Variants in KDM2B observed in about 807,000 individuals in gnomAD.
The protein encoded by KDM2B is lysine-specific demethylase 2B.
A neutral mutation model predicts 150.0 loss-of-function variants in KDM2B; 26 were observed. That is an observed-to-expected ratio of 0.17 (90% CI 0.13 to 0.24). The LOEUF is 0.24. Ranked by LOEUF, KDM2B falls within the 10% of genes least tolerant of loss-of-function variation. KDM2B has a pLI of 1.00. For missense variants in KDM2B, 1,265 were observed against 1,816.9 expected, an observed-to-expected ratio of 0.70 and a Z score of 5.52; for synonymous variants, 734 against 729.5, an observed-to-expected ratio of 1.01 and a Z score of -0.10.
In KDM2B at chr12:121,442,774, G is replaced by A; in HGVS notation, c.2667C>T (p.Phe889=). 3 of 1,544,608 alleles carry A rather than the reference G, an allele frequency of 1.9e-6. No homozygotes were observed. Among genetic ancestry groups the A allele is most frequent in the South Asian group, 2.5e-5 (2 of 78,592 alleles). The change falls in exon 19 of 23, where the codon TTC becomes TTT. Residue 889 remains phenylalanine (F), a synonymous_variant. Transcript: ENST00000377071. The surrounding 1 kb of genome is among the most constrained non-coding windows in gnomAD (Gnocchi z 7.7). ...MALANKPLRR[F]KQEPEDELPE... The stretch of plus-strand genomic sequence containing the variant: ...GCAGTTCGTCCTCGGGTTCCTGCTT[G>A]AAGCGCCGGAGGGGCTTGTTGGCCA...
the KDM2B span, among the ~76,000 whole-genome samples, chr12:121,413,288 A>G: frequency 1.0e-3 from 154 of 152,314 alleles, no homozygotes; most frequent in South Asian, 0.024. Context: ...TGGCCTCCCA[A>G]AGTGCTGGGA....
At chr12:121,486,057 G>A (rs979530456) in intron 12 of KDM2B, among the ~76,000 whole-genome samples, 66 of 151,530 alleles carry the variant, frequency 4.4e-4, no homozygotes, top group Non-Finnish European at 3.4e-4. Context: ...AATTACAGGC[G>A]TGAGCCACCA....
chr12:121,501,864 G>A (rs992453197), intron 11 of KDM2B, among the ~76,000 whole-genome samples: 4 of 151,964 alleles, frequency 2.6e-5, no homozygotes, highest in Admixed American at 6.6e-5. Flanking sequence ...CTCATGATCC[G>A]CCCGCCTCGG....
At chr12:121,486,717 C>T (rs782212868) in intron 12 of KDM2B, among the ~76,000 whole-genome samples, 11 of 150,890 alleles carry the variant, frequency 7.3e-5, no homozygotes, top group East Asian at 2.0e-4. Flanking sequence ...GCCCAGGAGG[C>T]GGAGGTTGGT....
intron 6 of KDM2B, among the ~76,000 whole-genome samples, chr12:121,538,971 G>A (rs1174529616): frequency 2.0e-5 from 3 of 151,766 alleles, no homozygotes; most frequent in Admixed American, 1.3e-4. Flanking sequence ...CAGAGTCCCC[G>A]CCCTCCTCCC....
upstream of KDM2B, chr12:121,581,393 C>T (rs559129620): frequency 6.5e-6 from 1 of 154,198 alleles, no homozygotes; most frequent in Non-Finnish European, 1.4e-5. Context: ...GTATCGGCAC[C>T]CTCCGTACAT....
rs1341867917 is a variant in KDM2B, at chr12:121,495,317, C to T, written c.1648-652G>A. Among the ~76,000 whole-genome samples, 7 of 152,234 alleles carry T rather than the reference C, an allele frequency of 4.6e-5. No individual in the cohort carries two copies. In the East Asian group the frequency reaches 7.7e-4, roughly 17 times the overall value. On this transcript the variant is annotated intron_variant, in intron 11 of 22. Transcript: ENST00000377071. ...CTGTGAATGCAGGTGTGCACCACCA[C>T]GCTGGGCTAATTTTTGTATTTTTAG...
chr12:121,581,699 G>C (rs369194662), upstream of KDM2B, among the ~76,000 whole-genome samples: 4 of 152,308 alleles, frequency 2.6e-5, no homozygotes, highest in South Asian at 8.3e-4. Flanking sequence ...ACTTGGAGCA[G>C]GTCATTTTGC....
At chr12:121,528,930 A>G (rs1243613806) in intron 8 of KDM2B, among the ~76,000 whole-genome samples, 1 of 152,152 alleles carries the variant, frequency 6.6e-6, no homozygotes, top group African/African-American at 2.4e-5. Flanking sequence ...CTTGGTACCA[A>G]TCCTGTTGAC....
chr12:121,503,923 G>A (rs1884825722), intron 11 of KDM2B, among the ~76,000 whole-genome samples: 1 of 152,232 alleles, frequency 6.6e-6, no homozygotes, highest in South Asian at 2.1e-4. Flanking sequence ...CCATACAGGT[G>A]AACAGAAAGG....
chr12:121,446,538 G>A (rs1283460395), intron 13 of KDM2B, among the ~76,000 whole-genome samples: 1 of 152,220 alleles, frequency 6.6e-6, no homozygotes, highest in Non-Finnish European at 1.5e-5. Context: ...TCGGCACACA[G>A]GTGACGCGTA....
At chr12:121,458,723 C>T (rs1229184457) in intron 12 of KDM2B, among the ~76,000 whole-genome samples, 1 of 152,052 alleles carries the variant, frequency 6.6e-6, no homozygotes, top group South Asian at 2.1e-4. Flanking sequence ...ATCACTTGAA[C>T]CCAGTGGGTG....
intron 1 of KDM2B, chr12:121,579,515 T>G: frequency 8.9e-6 from 9 of 1,015,774 alleles, no homozygotes; most frequent in South Asian, 1.3e-5. Context: ...CGCCCGCCAG[T>G]GCAAGAAGAG....
chr12:121,510,156 T>C, intron 10 of KDM2B, 117 bp from the exon 11 acceptor site: 1 of 893,436 alleles, frequency 1.1e-6, no homozygotes, highest in Non-Finnish European at 1.7e-6. Context: ...TCTCTAACAA[T>C]CCTAATGGTC....
At chr12:121,458,844 T>C (rs1206112033) in intron 12 of KDM2B, among the ~76,000 whole-genome samples, 1 of 151,632 alleles carries the variant, frequency 6.6e-6, no homozygotes, top group Non-Finnish European at 1.5e-5. Flanking sequence ...TCCCAGCACT[T>C]TGGGAGGCCA....
chr12:121,459,733 G>A (rs1482137571), intron 12 of KDM2B, among the ~76,000 whole-genome samples: 2 of 152,066 alleles, frequency 1.3e-5, no homozygotes, highest in South Asian at 2.1e-4. Flanking sequence ...AGGAGGCTGA[G>A]GCAAGAGAAT....
chr12:121,461,013 G>C (rs1178294137), intron 12 of KDM2B, among the ~76,000 whole-genome samples: 1 of 152,192 alleles, frequency 6.6e-6, no homozygotes, highest in African/African-American at 2.4e-5. Context: ...AGAAAGCTGA[G>C]ATACAGACCC....
Position 121,574,572 on chromosome 12 carries a change from T to G in KDM2B, c.372A>C (p.Thr124=), listed in dbSNP as rs1235297260. Residue 124 remains threonine, a synonymous_variant, in exon 4 of 23, where the codon ACA becomes ACC. Coordinates refer to ENST00000377071, the MANE Select transcript of KDM2B (RefSeq NM_032590.5). ...LGIKMPDPDF[T]VRDVKLLVGS... ...CCACTAGGAGTTTGACGTCTCGGACTGTGAAATCAGGGTCAGGCATCCTGG... is the reference window on the plus strand; with the variant it reads ...CCACTAGGAGTTTGACGTCTCGGACGGTGAAATCAGGGTCAGGCATCCTGG... 5 of 1,613,826 alleles carry G rather than the reference T, an allele frequency of 3.1e-6. No homozygotes were observed. Among genetic ancestry groups the G allele is most frequent in the Non-Finnish European group, 4.2e-6 (5 of 1,179,908 alleles).
chr12:121,560,433 A>G (rs2136236451), intron 4 of KDM2B, among the ~76,000 whole-genome samples: 1 of 152,278 alleles, frequency 6.6e-6, no homozygotes, highest in Middle Eastern at 3.4e-3. Flanking sequence ...AGCCAAATAC[A>G]CATAAATAAA....
Sources: allele counts gnomAD v4.1 joint callset (sites outside exome capture counted in the v4.1 genomes callset), GRCh38; gene constraint gnomAD v4.1.1; non-coding constraint Gnocchi (gnomAD v3.1); transcripts MANE v1.5; gene names NCBI Gene and HGNC (gene_info 2026-07-23, HGNC 2026-07-21).